CPNE4: variants seen among roughly 807,000 people sequenced by gnomAD.
CPNE4 encodes copine-4.
In CPNE4, 25 loss-of-function variants were observed where a neutral mutation model predicts 67.9. The ratio of observed to expected loss-of-function variants is 0.37; its 90% confidence interval spans 0.27 to 0.51. The LOEUF is 0.51. Ranked by LOEUF, CPNE4 falls within the 20% of genes least tolerant of loss-of-function variation. The pLI, the probability that CPNE4 is intolerant of heterozygous loss-of-function variation, is 0.93. For synonymous variants in CPNE4, 242 were observed against 244.9 expected (o/e 0.99, Z 0.11); for missense variants, 464 against 690.8 (o/e 0.67, Z 3.68).
chr3:131,564,165 C>T (rs1461791578), intron 11 of CPNE4, 51 bp downstream of exon 11: 1 of 1,610,076 alleles, frequency 6.2e-7, no homozygotes, highest in Admixed American at 1.7e-5. Flanking sequence ...CAAAGACCGT[C>T]TGAACCCACA....
intron 1 of CPNE4, among the ~76,000 whole-genome samples, chr3:131,931,238 C>T (rs2071051047): frequency 6.6e-6 from 1 of 152,114 alleles, no homozygotes; most frequent in African/African-American, 2.4e-5. Context: ...AATTCAACCT[C>T]AGCATACAAA....
chr3:131,548,103 C>G (rs952085249), intron 14 of CPNE4, among the ~76,000 whole-genome samples: 1 of 151,984 alleles, frequency 6.6e-6, no homozygotes, highest in African/African-American at 2.4e-5. Context: ...TCTCTAGGGA[C>G]CTTGGGAATT....
intron 4 of CPNE4, among the ~76,000 whole-genome samples, chr3:131,698,050 C>T (rs541335283): frequency 2.6e-5 from 4 of 151,192 alleles, no homozygotes; most frequent in South Asian, 2.1e-4. Context: ...GCTAACATGG[C>T]GAAACCCCAT....
Position 131,692,891 on chromosome 3 carries a change from T to TA in CPNE4, c.507+3650_507+3651insT, listed in dbSNP as rs1258467865. Reference sequence around the variant, plus strand: ...AAGAATGGGAAAAGAAAGAATCCTTTGTCAGCTTGAATGTTCCAAAGTGAT... The same window carrying TA: ...AAGAATGGGAAAAGAAAGAATCCTTTAGTCAGCTTGAATGTTCCAAAGTGAT... On this transcript the variant is annotated intron_variant, in intron 5 of 15. Coordinates refer to ENST00000429747, the MANE Select transcript of CPNE4 (RefSeq NM_130808.3). 2.0e-5 allele frequency among the ~76,000 whole-genome samples: 3 copies of TA among 152,328 alleles called. No homozygotes were observed. In the South Asian group the frequency reaches 6.2e-4, roughly 32 times the overall value.
chr3:131,725,319 C>T (rs1211337278), intron 2 of CPNE4, among the ~76,000 whole-genome samples: 7 of 152,174 alleles, frequency 4.6e-5, no homozygotes, highest in Non-Finnish European at 8.8e-5. Flanking sequence ...TTAAGGAACA[C>T]TACCTGCCAT....
At chr3:131,661,702 C>T (rs1238460766) in intron 7 of CPNE4, among the ~76,000 whole-genome samples, 1 of 152,120 alleles carries the variant, frequency 6.6e-6, no homozygotes, top group East Asian at 1.9e-4. Context: ...AAAGAAAGCA[C>T]TTGAATCTGA....
chr3:131,923,704 CAAAAAAA>C lies in CPNE4; in HGVS notation c.-1-18267_-1-18261del, dbSNP rs3041574. On this transcript the variant is annotated intron_variant, in intron 1 of 15. Transcript: ENST00000429747. The stretch of plus-strand genomic sequence containing the variant: ...TGGGTGACAGAGCTAGACTCCGTCT[CAAAAAAA>C]AAAAAAAAAAAAAAAAAATTAAAAA... Among the ~76,000 whole-genome samples the C allele has an allele frequency of 3.1e-4, 12 of 39,286 alleles. No homozygotes were observed. The East Asian group carries it at 4.4e-3, about 14-fold the overall frequency. 25.8% of individuals were successfully genotyped at this position (39,286 alleles called of 152,430 possible).
chr3:131,608,194 C>T (rs1395676789), intron 7 of CPNE4, among the ~76,000 whole-genome samples: 1 of 152,092 alleles, frequency 6.6e-6, no homozygotes, highest in Non-Finnish European at 1.5e-5. Context: ...AATGGCAAGA[C>T]ACCGGTAATA....
chr3:131,771,578 T>C (rs1244256015), intron 2 of CPNE4, among the ~76,000 whole-genome samples: 1 of 152,144 alleles, frequency 6.6e-6, no homozygotes, highest in Non-Finnish European at 1.5e-5. Flanking sequence ...GTCCCCTTTG[T>C]CTTCCACCAT....
At chr3:131,806,066 G>A (rs919675717) in intron 2 of CPNE4, among the ~76,000 whole-genome samples, 5 of 152,176 alleles carry the variant, frequency 3.3e-5, no homozygotes, top group African/African-American at 1.2e-4. Context: ...TTAGATATTA[G>A]ATACTGTGCA....
chr3:131,837,825 T>A (rs62280882), intron 2 of CPNE4, among the ~76,000 whole-genome samples: 1 of 151,794 alleles, frequency 6.6e-6, no homozygotes, highest in Non-Finnish European at 1.5e-5. Context: ...TTATATATGA[T>A]GTTCTCTTGG....
chr3:131,972,801 C>A (rs1211782388), intron 1 of CPNE4, among the ~76,000 whole-genome samples: 1 of 152,176 alleles, frequency 6.6e-6, no homozygotes, highest in South Asian at 2.1e-4. Flanking sequence ...TAGGATTCTA[C>A]TTCCTCCTCC....
chr3:131,623,039 A>G (rs960071975), intron 7 of CPNE4, among the ~76,000 whole-genome samples: 6 of 152,302 alleles, frequency 3.9e-5, no homozygotes, highest in Middle Eastern at 3.4e-3. Context: ...GCTATAGTTC[A>G]TAGAGGACGG....
chr3:131,885,810 G>A (rs890155770), intron 2 of CPNE4, among the ~76,000 whole-genome samples: 2 of 151,992 alleles, frequency 1.3e-5, no homozygotes, highest in African/African-American at 2.4e-5. Flanking sequence ...TTGTTCTTGC[G>A]ATAGTTTACT....
chr3:131,862,710 T>G (rs1231614065), intron 2 of CPNE4, among the ~76,000 whole-genome samples: 1 of 150,552 alleles, frequency 6.6e-6, no homozygotes, highest in East Asian at 1.9e-4. Context: ...TATATATATA[T>G]ATATATTTTT....
intron 2 of CPNE4, among the ~76,000 whole-genome samples, chr3:131,792,892 A>AGTGT (rs1553772420): frequency 0.024 from 3,063 of 127,926 alleles, 89 homozygotes; most frequent in East Asian, 0.086. Context: ...AGGTATTTCC[A>AGTGT]GTGTGTGTGT....
At chr3:131,639,050 T>A (rs2079469393) in intron 7 of CPNE4, among the ~76,000 whole-genome samples, 1 of 151,794 alleles carries the variant, frequency 6.6e-6, no homozygotes, top group South Asian at 2.1e-4. Flanking sequence ...AAATGCCACA[T>A]CAAAAAGTCT....
chr3:131,638,475 A>G (rs1399915871), intron 7 of CPNE4, among the ~76,000 whole-genome samples: 1 of 152,210 alleles, frequency 6.6e-6, no homozygotes, highest in Non-Finnish European at 1.5e-5. Context: ...AAATATCACA[A>G]TCCCAAATAT....
At chr3:131,570,861 T>TATC (rs1365276648) in intron 10 of CPNE4, among the ~76,000 whole-genome samples, 2 of 152,058 alleles carry the variant, frequency 1.3e-5, no homozygotes, top group African/African-American at 4.8e-5. Context: ...TAGCATCATT[T>TATC]ATCTCTTTCC....
Sources: allele counts gnomAD v4.1 joint callset (sites outside exome capture counted in the v4.1 genomes callset), GRCh38; gene constraint gnomAD v4.1.1; transcripts MANE v1.5; gene names NCBI Gene and HGNC (gene_info 2026-07-23, HGNC 2026-07-21).